ROBO1: variants seen among roughly 807,000 people sequenced by gnomAD.
ROBO1 encodes the protein roundabout guidance receptor 1, also known as roundabout homolog 1.
Under a neutral mutation model 195.9 loss-of-function variants are expected in ROBO1, and 149 were observed. The observed-to-expected ratio is 0.76, with a 90% confidence interval of 0.67 to 0.87. The LOEUF is 0.87. Ranked by LOEUF, ROBO1 falls within the 40% of genes least tolerant of loss-of-function variation. The probability of loss-of-function intolerance (pLI) is 0.00; values close to 1 mark genes in which losing one functional copy is unlikely to be tolerated. For synonymous variants in ROBO1, 816 were observed against 733.2 expected, an observed-to-expected ratio of 1.11 and a Z score of -1.82; for missense variants, 1,933 against 2,068.3, an observed-to-expected ratio of 0.93 and a Z score of 1.27.
intron 19 of ROBO1, among the ~76,000 whole-genome samples, chr3:78,648,893 C>T (rs924591617): frequency 6.6e-6 from 1 of 151,982 alleles, no homozygotes; most frequent in African/African-American, 2.4e-5. Flanking sequence ...AACGCTATAG[C>T]GTCCTCTACA....
intron 10 of ROBO1, among the ~76,000 whole-genome samples, chr3:78,682,261 T>C (rs2080933838): frequency 6.6e-6 from 1 of 151,408 alleles, no homozygotes; most frequent in Admixed American, 6.6e-5. Flanking sequence ...AATGTATAAA[T>C]ACTGAAGGAA....
chr3:78,877,325 T>C (rs376259798), intron 4 of ROBO1, among the ~76,000 whole-genome samples: 15 of 152,068 alleles, frequency 9.9e-5, no homozygotes, highest in African/African-American at 3.1e-4. Flanking sequence ...AAACTAACAT[T>C]TCCATGTGAA....
chr3:79,755,708 C>G (rs879881379), intron 1 of ROBO1, among the ~76,000 whole-genome samples: 4 of 152,052 alleles, frequency 2.6e-5, no homozygotes, highest in African/African-American at 7.2e-5. Context: ...TTTCCAGCAC[C>G]AAGAGCAATC....
chr3:78,953,785 T>C (rs1215463064), intron 3 of ROBO1, among the ~76,000 whole-genome samples: 1 of 151,316 alleles, frequency 6.6e-6, no homozygotes, highest in African/African-American at 2.4e-5. Context: ...ACTCTCTGAA[T>C]ATTAGTTTCT....
At chr3:78,989,557 T>G (rs886082804) in intron 3 of ROBO1, among the ~76,000 whole-genome samples, 1 of 152,174 alleles carries the variant, frequency 6.6e-6, no homozygotes, top group African/African-American at 2.4e-5. Context: ...GAGGTTGCAG[T>G]GAGCAGAGAT....
At chr3:79,344,271 C>T (rs1355233604) in intron 2 of ROBO1, among the ~76,000 whole-genome samples, 6 of 151,960 alleles carry the variant, frequency 3.9e-5, no homozygotes, top group Non-Finnish European at 7.4e-5. Context: ...GGGGACATTC[C>T]GTAACATTTG....
At chr3:78,702,751 T>C (rs2081448722) in intron 8 of ROBO1, among the ~76,000 whole-genome samples, 1 of 152,184 alleles carries the variant, frequency 6.6e-6, no homozygotes, top group South Asian at 2.1e-4. Context: ...TATACATCTA[T>C]ATAATTGGGC....
chr3:79,387,750 G>A (rs551267120), intron 2 of ROBO1, among the ~76,000 whole-genome samples: 1 of 152,192 alleles, frequency 6.6e-6, no homozygotes, highest in Non-Finnish European at 1.5e-5. Context: ...ACTCTGTCTA[G>A]AAAATGGAAA....
At chr3:78,979,668 CTA>C (rs1420937740) in intron 3 of ROBO1, among the ~76,000 whole-genome samples, 1 of 152,098 alleles carries the variant, frequency 6.6e-6, no homozygotes, top group Non-Finnish European at 1.5e-5. Flanking sequence ...TAAAACAACA[CTA>C]TGTTCATTGA....
chr3:79,416,429 C>T (rs1401574221), intron 2 of ROBO1, among the ~76,000 whole-genome samples: 3 of 148,504 alleles, frequency 2.0e-5, no homozygotes, highest in African/African-American at 7.6e-5. Flanking sequence ...CATAGTAAAA[C>T]CCCATCTCTA....
chr3:79,625,436 A>AAAAAAAAAAAAAAAAAAAAAAAAAAAAAC, intron 1 of ROBO1, among the ~76,000 whole-genome samples: 1 of 144,888 alleles, frequency 6.9e-6, no homozygotes, highest in East Asian at 2.0e-4. Flanking sequence ...AAAAAAAAAA[A>AAAAAAAAAAAAAAAAAAAAAAAAAAAAAC]AAAAAAAAGC....
At chr3:78,676,442 A>G (rs1480565242) in intron 10 of ROBO1, among the ~76,000 whole-genome samples, 1 of 152,200 alleles carries the variant, frequency 6.6e-6, no homozygotes, top group Non-Finnish European at 1.5e-5. Context: ...ATTTAGACGA[A>G]TGTATAACTA....
intron 2 of ROBO1, among the ~76,000 whole-genome samples, chr3:79,169,902 TA>T (rs1461245002): frequency 6.6e-6 from 1 of 152,124 alleles, no homozygotes; most frequent in African/African-American, 2.4e-5. Context: ...ACTCTTAACT[TA>T]AAGAGGTAAA....
At chr3:79,412,162 T>G (rs1385126387) in intron 2 of ROBO1, among the ~76,000 whole-genome samples, 1 of 152,136 alleles carries the variant, frequency 6.6e-6, no homozygotes, top group Non-Finnish European at 1.5e-5. Context: ...TTCCCATAAA[T>G]TTTTAAAAAG....
intron 28 of ROBO1, among the ~76,000 whole-genome samples, chr3:78,608,020 TACACACACACAC>T (rs56715450): frequency 6.7e-6 from 1 of 149,766 alleles, no homozygotes; most frequent in Admixed American, 6.7e-5. Context: ...TAATTTCATT[TACACACACACAC>T]ACACACACAC....
At chr3:78,930,753 T>A (rs983265241) in intron 4 of ROBO1, among the ~76,000 whole-genome samples, 3 of 152,208 alleles carry the variant, frequency 2.0e-5, no homozygotes, top group African/African-American at 7.2e-5. Context: ...AGCTTCAAAC[T>A]ATCAACATTT....
intron 4 of ROBO1, among the ~76,000 whole-genome samples, chr3:78,867,549 A>G (rs566330637): frequency 6.6e-6 from 1 of 152,226 alleles, no homozygotes; most frequent in South Asian, 2.1e-4. Context: ...TGTTTTTGTG[A>G]TTTATTACAA....
intron 2 of ROBO1, among the ~76,000 whole-genome samples, chr3:79,308,768 A>G (rs1209983952): frequency 1.3e-5 from 2 of 152,208 alleles, no homozygotes; most frequent in Non-Finnish European, 2.9e-5. Context: ...TCTTCTCTGC[A>G]ATATTAAACT....
At chr3:79,504,420 C>G (rs1250227539) in intron 2 of ROBO1, among the ~76,000 whole-genome samples, 1 of 151,822 alleles carries the variant, frequency 6.6e-6, no homozygotes, top group African/African-American at 2.4e-5. Flanking sequence ...CCTATTTTTT[C>G]TGATGTTTCC....
Sources: allele counts gnomAD v4.1 joint callset (sites outside exome capture counted in the v4.1 genomes callset), GRCh38; gene constraint gnomAD v4.1.1; transcripts MANE v1.5; gene names NCBI Gene and HGNC (gene_info 2026-07-23, HGNC 2026-07-21).